Variants in TRAPPC8 observed in about 807,000 individuals in gnomAD.
TRAPPC8 encodes trafficking protein particle complex subunit 8.
A neutral mutation model predicts 174.3 loss-of-function variants in TRAPPC8; 54 were observed. That is an observed-to-expected ratio of 0.31 (90% CI 0.25 to 0.39). TRAPPC8 has a LOEUF of 0.39. Ranked by LOEUF, TRAPPC8 falls within the 10% of genes least tolerant of loss-of-function variation. The pLI is 1.00. For missense variants in TRAPPC8, 1,531 were observed against 1,699.1 expected (o/e 0.90, Z 1.74); for synonymous variants, 630 against 579.9 (o/e 1.09, Z -1.24).
chr18:31,846,504 A>G (rs2033411716), intron 26 of TRAPPC8, among the ~76,000 whole-genome samples: 1 of 152,092 alleles, frequency 6.6e-6, no homozygotes, highest in African/African-American at 2.4e-5. Context: ...GAGCCCGGGG[A>G]GGTCAAGGCT....
chr18:31,836,411 T>C lies in TRAPPC8; in HGVS notation c.3983+2901A>G, dbSNP rs182216630. On this transcript the variant is annotated intron_variant, in intron 27 of 28. Transcript: ENST00000283351. ...TCCATAGGGTTTTTTAACCCCTAAGTAGAATGATGTAGAGAACTCCTAAAC... is the reference window on the plus strand; with the variant it reads ...TCCATAGGGTTTTTTAACCCCTAAGCAGAATGATGTAGAGAACTCCTAAAC... Among the ~76,000 whole-genome samples, 350 of 152,310 alleles carry C rather than the reference T, an allele frequency of 2.3e-3. 3 individuals carry two copies. The highest frequency in any genetic ancestry group is 8.1e-3 in the African/African-American group (337 of 41,570).
intron 17 of TRAPPC8, 44 bp downstream of exon 17, chr18:31,867,358 T>G: frequency 7.4e-7 from 1 of 1,354,022 alleles, no homozygotes; most frequent in Non-Finnish European, 1.0e-6. Flanking sequence ...GTTTTCACCT[T>G]ACTTTCAGAA....
chr18:31,874,708 T>A lies in TRAPPC8; in HGVS notation c.1729-4A>T. 6.2e-7 allele frequency: 1 copy of A among 1,607,054 alleles called. No homozygotes were observed. Among genetic ancestry groups the A allele is most frequent in the Non-Finnish European group, 8.5e-7 (1 of 1,177,916 alleles). ...AACAGCGTAAAGCATGCTTTTTCTG[T>A]AAGAAAATAAACAAAATAATGTATT... is the stretch of plus-strand genomic sequence containing the variant. On this transcript the variant is annotated splice_region_variant and splice_polypyrimidine_tract_variant and intron_variant, in intron 12 of 28. Coordinates refer to ENST00000283351, the MANE Select transcript of TRAPPC8 (RefSeq NM_014939.5).
intron 1 of TRAPPC8, among the ~76,000 whole-genome samples, chr18:31,931,784 A>G (rs2037856065): frequency 6.6e-6 from 1 of 152,038 alleles, no homozygotes; most frequent in African/African-American, 2.4e-5. Flanking sequence ...CTCCTTTCCT[A>G]TGTTTGGAGT....
intron 10 of TRAPPC8, among the ~76,000 whole-genome samples, chr18:31,900,436 T>C (rs140612165): frequency 6.6e-6 from 1 of 152,320 alleles, no homozygotes; most frequent in African/African-American, 2.4e-5. Flanking sequence ...TACGTCTTCA[T>C]GGTTATCAAG....
In TRAPPC8 at chr18:31,900,048, G is replaced by A. The variant is rs112459843; in HGVS notation, c.1490+877C>T. Among the ~76,000 whole-genome samples, 1,217 of 152,008 alleles carry A rather than the reference G, an allele frequency of 8.0e-3. 14 individuals are homozygous for A. The highest frequency in any genetic ancestry group is 0.027 in the African/African-American group (1,138 of 41,476). ...AGGTCAAGCATTCGAGACCAGCCTG[G>A]CAAACATGGTGAAATCGTCTCTACT... On this transcript the variant is annotated intron_variant, in intron 10 of 28. Transcript: ENST00000283351.
chr18:31,850,350 G>T (rs2033646598), intron 24 of TRAPPC8, among the ~76,000 whole-genome samples: 1 of 151,652 alleles, frequency 6.6e-6, no homozygotes, highest in Non-Finnish European at 1.5e-5. Flanking sequence ...AGAATGAATG[G>T]GTATCACCAA....
intron 5 of TRAPPC8, 100 bp from the exon 6 acceptor site, chr18:31,909,860 G>C: frequency 3.9e-6 from 3 of 769,796 alleles, no homozygotes; most frequent in Non-Finnish European, 5.7e-6. Context: ...CTAACTGTTG[G>C]CCTCATTTAT....
rs776401545 is a variant in TRAPPC8, at chr18:31,913,476, C to G, written c.664G>C (p.Gly222Arg). ...GAATTAATTTTAAGTAAATAGCAACCCTGAGTTCCATATTTCTGTTTCATT... is the reference window on the plus strand; with the variant it reads ...GAATTAATTTTAAGTAAATAGCAACGCTGAGTTCCATATTTCTGTTTCATT... ...EEMKQKYGTQ[G>R]CYLLKINSRT... Residue 222 changes from glycine (G) to arginine (R), a missense_variant, in exon 5 of 29, where the codon GGT (glycine) becomes CGT (arginine). Coordinates refer to ENST00000283351, the MANE Select transcript of TRAPPC8 (RefSeq NM_014939.5). 6.2e-6 allele frequency: 10 copies of G among 1,608,618 alleles called. No individual in the cohort carries two copies. Among genetic ancestry groups the G allele is most frequent in the African/African-American group, 1.3e-5 (1 of 74,554 alleles).
chr18:31,864,054 T>G (rs2034467514), intron 19 of TRAPPC8, among the ~76,000 whole-genome samples: 2 of 148,004 alleles, frequency 1.4e-5, no homozygotes, highest in African/African-American at 4.9e-5. Flanking sequence ...AATATATATT[T>G]ATATTATGTA....
At chr18:31,868,744 C>T (rs2145183423) in intron 16 of TRAPPC8, among the ~76,000 whole-genome samples, 1 of 151,576 alleles carries the variant, frequency 6.6e-6, no homozygotes, top group East Asian at 1.9e-4. Context: ...GCTCTGTCTC[C>T]CAGGCTGGAG....
intron 20 of TRAPPC8, among the ~76,000 whole-genome samples, chr18:31,857,201 G>GT (rs1456417293): frequency 1.6e-4 from 25 of 152,114 alleles, no homozygotes; most frequent in Admixed American, 2.6e-4. Flanking sequence ...GACCAGGCAG[G>GT]TTGTCTTCAT....
intron 19 of TRAPPC8, among the ~76,000 whole-genome samples, chr18:31,862,870 A>T (rs938556565): frequency 2.0e-5 from 3 of 152,138 alleles, no homozygotes; most frequent in African/African-American, 7.2e-5. Context: ...CCTGGCTAAC[A>T]CAGTGAAACC....
intron 28 of TRAPPC8, among the ~76,000 whole-genome samples, chr18:31,831,716 G>A (rs753571009): frequency 4.6e-5 from 7 of 152,074 alleles, no homozygotes; most frequent in Non-Finnish European, 8.8e-5. Context: ...GTGTGTGTTT[G>A]GATTTCAGAG....
Position 31,866,994 on chromosome 18 carries a change from C to T in TRAPPC8, c.2464-19G>A, listed in dbSNP as rs746841447. The T allele has an allele frequency of 6.2e-7, 1 of 1,611,378 alleles. No homozygotes were observed. The highest frequency in any genetic ancestry group is 8.5e-7 in the Non-Finnish European group (1 of 1,178,752). ...GTCTTGCCTGTGGAGATATTTAAGT[C>T]AGTCTTATTATGTTTTCATAATATC... is the stretch of plus-strand genomic sequence containing the variant. On this transcript the variant is annotated intron_variant, in intron 17 of 28. Coordinates refer to ENST00000283351, the MANE Select transcript of TRAPPC8 (RefSeq NM_014939.5).
At chr18:31,846,988 T>C (rs1358199767) in intron 25 of TRAPPC8, among the ~76,000 whole-genome samples, 171 bp from the exon 26 acceptor site, 1 of 152,226 alleles carries the variant, frequency 6.6e-6, no homozygotes, top group African/African-American at 2.4e-5. Flanking sequence ...CAATAAAGTA[T>C]CTATCCAAAA....
chr18:31,916,207 G>T, intron 4 of TRAPPC8, 65 bp downstream of exon 4: 1 of 1,189,412 alleles, frequency 8.4e-7, no homozygotes. Context: ...ACGTAAACAA[G>T]CTATCTCCAA....
Position 31,866,190 on chromosome 18 carries a change from T to C in TRAPPC8, c.2590+659A>G, listed in dbSNP as rs1040478606. Among the ~76,000 whole-genome samples, 8 of 152,268 alleles carry C rather than the reference T, an allele frequency of 5.3e-5. No individual in the cohort carries two copies. The East Asian group carries it at 1.5e-3, about 29-fold the overall frequency. ...AATGAGCCAGAAGTAGGAAGTTTCA[T>C]GGTAAACTCCCTCTCCTAGCATCTT... is the stretch of plus-strand genomic sequence containing the variant. On this transcript the variant is annotated intron_variant, in intron 18 of 28. Transcript: ENST00000283351.
In TRAPPC8 at chr18:31,908,994, G is replaced by A; in HGVS notation, c.882C>T (p.Asn294=). ...CCAACTGAAGTGGGTGAGCTCTAAA[G>A]TTATTTGGTAAGCCATCTACTGAAA... is the stretch of plus-strand genomic sequence containing the variant. ...DNEVKDGLPN[N]FRAHPLQLEQ... is the part of the protein sequence containing the mutation. Residue 294 remains asparagine (N), a synonymous_variant, in exon 7 of 29, where the codon AAC becomes AAT. Transcript: ENST00000283351. 1 of 1,606,056 alleles carries A rather than the reference G, an allele frequency of 6.2e-7. No homozygotes were observed. Among genetic ancestry groups the A allele is most frequent in the Non-Finnish European group, 8.5e-7 (1 of 1,175,666 alleles).
Sources: allele counts gnomAD v4.1 joint callset (sites outside exome capture counted in the v4.1 genomes callset), GRCh38; gene constraint gnomAD v4.1.1; transcripts MANE v1.5; gene names NCBI Gene and HGNC (gene_info 2026-07-23, HGNC 2026-07-21).